Variants in PCDH15 observed in about 807,000 individuals in gnomAD.
PCDH15 encodes the protein protocadherin-15.
In PCDH15, 129 loss-of-function variants were observed where a neutral mutation model predicts 178.5. That is an observed-to-expected ratio of 0.72 (90% CI 0.63 to 0.84). The LOEUF is 0.84. Among genes scored for constraint, PCDH15 ranks in the 40% least tolerant of loss-of-function variants. PCDH15 has a pLI of 0.00. For missense variants in PCDH15, 2,230 were observed against 2,099.9 expected, an observed-to-expected ratio of 1.06 and a Z score of -1.21; for synonymous variants, 800 against 732.0, an observed-to-expected ratio of 1.09 and a Z score of -1.50.
chr10:53,880,250 C>T (rs1259763181), intron 26 of PCDH15, among the ~76,000 whole-genome samples: 1 of 152,224 alleles, frequency 6.6e-6, no homozygotes, highest in African/African-American at 2.4e-5. Context: ...ACAGATTCAA[C>T]CCATGGGCCC....
chr10:54,723,319 T>C (rs1235499495), intron 1 of PCDH15, among the ~76,000 whole-genome samples: 2 of 151,720 alleles, frequency 1.3e-5, no homozygotes, highest in Non-Finnish European at 3.0e-5. Flanking sequence ...ATTCAATAAA[T>C]GATGCTGGGA....
intron 3 of PCDH15, among the ~76,000 whole-genome samples, chr10:54,853,440 C>CAT (rs571051361): frequency 1.0e-3 from 90 of 86,026 alleles, no homozygotes; most frequent in Middle Eastern, 7.0e-3. Context: ...TACACATACA[C>CAT]ATATATATAT....
intron 4 of PCDH15, among the ~76,000 whole-genome samples, chr10:54,376,052 T>C (rs181645054): frequency 1.3e-5 from 2 of 151,436 alleles, no homozygotes; most frequent in East Asian, 1.9e-4. Context: ...CCTGCCACAA[T>C]GCCTGGATAA....
Position 55,133,192 on chromosome 10 carries a change from A to G in PCDH15, c.-80+33384T>C, listed in dbSNP as rs151049695. Among the ~76,000 whole-genome samples the G allele has an allele frequency of 7.9e-5, 12 of 152,300 alleles. No individual in the cohort carries two copies. The East Asian group carries it at 2.3e-3, about 29-fold the overall frequency. On this transcript the variant is annotated intron_variant, in intron 2 of 5. Coordinates refer to the PCDH15 transcript ENST00000458638. ...TATTAAAAATATTAAATGAAGTAAT[A>G]TATAGAAAAGCTGGCTCTGATCAAG... is the stretch of plus-strand genomic sequence containing the variant.
At position 55,069,995 on chromosome 10, in the gene PCDH15, T is replaced by C. The variant is rs564744602; in HGVS notation, c.-80+96581A>G. ...CTAACTGGTGTGAGATGGTATCTCA[T>C]TGTGGTTTTGATTTGCATTTCTCTG... On this transcript the variant is annotated intron_variant, in intron 2 of 5. Coordinates refer to the PCDH15 transcript ENST00000458638. Among the ~76,000 whole-genome samples the C allele has an allele frequency of 2.1e-3, 327 of 152,212 alleles. 1 individual carries two copies. Among genetic ancestry groups the C allele is most frequent in the African/African-American group, 7.2e-3 (298 of 41,542 alleles).
At chr10:55,213,427 C>T (rs1039600863) in intron 1 of PCDH15, among the ~76,000 whole-genome samples, 2 of 151,916 alleles carry the variant, frequency 1.3e-5, no homozygotes, top group East Asian at 1.9e-4. Flanking sequence ...AAAACAGTTA[C>T]CAGGGGTGTA....
At chr10:55,274,762 G>C (rs1314783413) in intron 1 of PCDH15, among the ~76,000 whole-genome samples, 1 of 152,060 alleles carries the variant, frequency 6.6e-6, no homozygotes, top group Non-Finnish European at 1.5e-5. Flanking sequence ...GTGGGTGGTT[G>C]GTTTCGGGAT....
At chr10:54,374,273 C>G (rs951069349) in intron 4 of PCDH15, among the ~76,000 whole-genome samples, 1 of 152,042 alleles carries the variant, frequency 6.6e-6, no homozygotes, top group Admixed American at 6.6e-5. Context: ...CTGGCCTGGG[C>G]AGGGGAGTCA....
At chr10:54,004,711 G>A (rs2092319358) in intron 20 of PCDH15, among the ~76,000 whole-genome samples, 1 of 151,974 alleles carries the variant, frequency 6.6e-6, no homozygotes, top group African/African-American at 2.4e-5. Flanking sequence ...AATCAATATT[G>A]TTAAAATGTC....
At chr10:54,757,779 A>T (rs1421518975) in intron 1 of PCDH15, among the ~76,000 whole-genome samples, 1 of 152,172 alleles carries the variant, frequency 6.6e-6, no homozygotes, top group East Asian at 1.9e-4. Context: ...AGTAATTGCA[A>T]TTATGAATTT....
intron 2 of PCDH15, among the ~76,000 whole-genome samples, chr10:54,637,025 C>T (rs2093870843): frequency 6.6e-6 from 1 of 150,792 alleles, no homozygotes. Flanking sequence ...CATAGCGTAC[C>T]TTCTTTCCTT....
intron 17 of PCDH15, among the ~76,000 whole-genome samples, chr10:54,074,357 T>C (rs979673123): frequency 6.6e-6 from 1 of 152,196 alleles, no homozygotes; most frequent in African/African-American, 2.4e-5. Context: ...TTCTCTTTTC[T>C]TTATCCTCTG....
At chr10:54,402,315 T>C (rs983854338) in intron 3 of PCDH15, among the ~76,000 whole-genome samples, 3 of 152,138 alleles carry the variant, frequency 2.0e-5, no homozygotes, top group African/African-American at 7.2e-5. Flanking sequence ...TACAATCTTA[T>C]AATTTCTATT....
intron 2 of PCDH15, among the ~76,000 whole-genome samples, chr10:55,359,747 T>TATATACAC (rs1491280747): frequency 1.6e-4 from 13 of 81,658 alleles, no homozygotes; most frequent in African/African-American, 3.6e-4. Context: ...TATATATATA[T>TATATACAC]ACACACACAC....
intron 2 of PCDH15, among the ~76,000 whole-genome samples, chr10:55,107,526 C>G (rs1418302561): frequency 7.5e-6 from 1 of 132,986 alleles, no homozygotes; most frequent in Non-Finnish European, 1.5e-5. Context: ...GAGCCTCGCC[C>G]TGTTGCCCAG....
intron 2 of PCDH15, among the ~76,000 whole-genome samples, chr10:55,341,787 A>T (rs1588933387): frequency 1.8e-5 from 1 of 54,880 alleles, no homozygotes; most frequent in African/African-American, 9.4e-5. Flanking sequence ...ATATATATAT[A>T]TATATATATA....
chr10:54,924,915 G>A (rs967820400), intron 2 of PCDH15, among the ~76,000 whole-genome samples: 16 of 152,006 alleles, frequency 1.1e-4, no homozygotes, highest in South Asian at 4.2e-4. Context: ...TATGTTGATC[G>A]TTTATTTTGC....
At chr10:54,438,933 A>G (rs921082295) in intron 3 of PCDH15, among the ~76,000 whole-genome samples, 3 of 152,254 alleles carry the variant, frequency 2.0e-5, no homozygotes, top group African/African-American at 7.2e-5. Flanking sequence ...TTTACATAAG[A>G]GCACAGGTAA....
intron 2 of PCDH15, among the ~76,000 whole-genome samples, chr10:55,004,664 A>G (rs1839880159): frequency 6.6e-6 from 1 of 152,138 alleles, no homozygotes; most frequent in Non-Finnish European, 1.5e-5. Flanking sequence ...CACTAAATTT[A>G]GTTCAGTTGA....
Sources: gnomAD v4.1 joint callset for allele counts (sites outside exome capture counted in the v4.1 genomes callset) on GRCh38, gnomAD v4.1.1 for gene constraint, MANE v1.5 for transcripts, NCBI Gene and HGNC (gene_info 2026-07-23, HGNC 2026-07-21) for gene names.